Variants in KAT5 observed in about 807,000 individuals in gnomAD.
The protein encoded by KAT5 is histone acetyltransferase KAT5.
Under a neutral mutation model 68.1 loss-of-function variants are expected in KAT5, and 31 were observed. The ratio of observed to expected loss-of-function variants is 0.46; its 90% CI spans 0.34 to 0.61. The LOEUF (loss-of-function observed/expected upper bound fraction) is 0.61. KAT5 is among the 20% of genes least tolerant of loss of function. KAT5 has a pLI of 0.01. For synonymous variants in KAT5, 365 were observed against 292.6 expected, an observed-to-expected ratio of 1.25 and a Z score of -2.52; for missense variants, 451 against 725.5, an observed-to-expected ratio of 0.62 and a Z score of 4.35.
Position 65,719,218 on chromosome 11 carries a change from G to A in KAT5, c.*37G>A, listed in dbSNP as rs904202518. ...CCACTGCAGTGCCAAGACGGCAGCA[G>A]GACTGGGGCTGATAGCCCACCCCGC... On this transcript the variant is annotated 3_prime_UTR_variant, in exon 13 of 13. Transcript: ENST00000341318. The A allele has an allele frequency of 3.7e-6, 6 of 1,606,688 alleles. No individual in the cohort carries two copies. Among genetic ancestry groups the A allele is most frequent in the Admixed American group, 3.4e-5 (2 of 59,638 alleles).
rs974769609 is a variant in KAT5 at position 65,716,567 on chromosome 11, T to C, written c.1030-100T>C. On this transcript the variant is annotated intron_variant, in intron 8 of 12. Transcript: ENST00000341318. Reference sequence around the variant, plus strand: ...GAAGAACACTCATCACCTAGCAGCCTGGGGCATAGCACGAACAGTGAAGCT... The same window carrying C: ...GAAGAACACTCATCACCTAGCAGCCCGGGGCATAGCACGAACAGTGAAGCT... The C allele has an allele frequency of 1.1e-5, 13 of 1,161,046 alleles. No homozygotes were observed. In the African/African-American group the frequency reaches 2.0e-4, roughly 18 times the overall value. The allele number at this position is 1,161,046 out of a possible 1,614,324, so 71.9% of individuals were successfully genotyped here. A position where few individuals can be genotyped will look rare whatever the true frequency, so the allele number is the denominator to read the frequency against.
chr11:65,713,202 T>G, intron 3 of KAT5, 144 bp downstream of exon 3: 1 of 1,323,264 alleles, frequency 7.6e-7, no homozygotes, highest in African/African-American at 1.5e-5. Context: ...ATTGCACATG[T>G]AGCTCCCAGA....
rs765793140 is a variant in KAT5 at position 65,716,885 on chromosome 11, C to T, written c.1171-4C>T. On this transcript the variant is annotated splice_polypyrimidine_tract_variant and splice_region_variant and intron_variant, in intron 9 of 12. Transcript: ENST00000341318. ...CCTGACACTCACCTGTCCCCCTTCT[C>T]CAGGAGAAAGAATCAACGGAAGACT... 1.2e-6 allele frequency: 2 copies of T among 1,613,884 alleles called. No homozygotes were observed. Among genetic ancestry groups the T allele is most frequent in the East Asian group, 2.2e-5 (1 of 44,896 alleles).
rs564250796 is a variant in KAT5 at position 65,719,255 on chromosome 11, C to T, written c.*74C>T. 10 of 1,544,828 alleles carry T rather than the reference C, an allele frequency of 6.5e-6. No individual in the cohort carries two copies. Among genetic ancestry groups the T allele is most frequent in the Non-Finnish European group, 7.9e-6 (9 of 1,134,834 alleles). ...ATAGCCCACCCCGCCCCCACTGCAG[C>T]TCCCACAAAGCACTCTAAGGGAGAT... is the stretch of plus-strand genomic sequence containing the variant. On this transcript the variant is annotated 3_prime_UTR_variant, in exon 13 of 13. Transcript: ENST00000341318.
intron 8 of KAT5, chr11:65,716,006 A>G (rs1233911441): frequency 6.9e-6 from 1 of 145,592 alleles, no homozygotes; most frequent in Non-Finnish European, 1.5e-5. Context: ...CCTGGGTGAC[A>G]GGAGTGAGAC....
At chr11:65,712,200 C>A (rs1435862223), upstream of KAT5, 4 of 1,373,468 alleles carry the variant, frequency 2.9e-6, no homozygotes, top group Non-Finnish European at 2.8e-6. Flanking sequence ...GGCCCGGGCC[C>A]ACAGGGCGCT....
chr11:65,714,016 C>T (rs1426791609), intron 6 of KAT5, 168 bp downstream of exon 6: 17 of 660,730 alleles, frequency 2.6e-5, no homozygotes, highest in South Asian at 1.1e-4. Flanking sequence ...TCATTGGGGC[C>T]GGGCACCATG....
chr11:65,719,329 A>C lies in KAT5; in HGVS notation c.*148A>C. On this transcript the variant is annotated 3_prime_UTR_variant, in exon 13 of 13. Transcript: ENST00000341318. ...GAGAGGACAGGCCTGGCAGGGGCCC[A>C]CTGGTGCCCAGCACCAAGGCGAGCT... 1 of 992,460 alleles carries C rather than the reference A, an allele frequency of 1.0e-6. No homozygotes were observed. Among genetic ancestry groups the C allele is most frequent in the South Asian group, 1.7e-5 (1 of 59,440 alleles). 61.5% of individuals were successfully genotyped at this position (992,460 alleles called of 1,614,324 possible).
chr11:65,716,022 G>GT (rs1336431333), intron 8 of KAT5: 1 of 95,284 alleles, frequency 1.0e-5, no homozygotes. Flanking sequence ...GAGACCCTGT[G>GT]TCAAAAAAAA....
intron 11 of KAT5, 53 bp from the exon 12 acceptor site, chr11:65,718,820 C>A: frequency 1.2e-6 from 2 of 1,612,678 alleles, no homozygotes; most frequent in Non-Finnish European, 8.5e-7. Flanking sequence ...TCTCTCAGGG[C>A]TCCTGGGGAC....
rs2135631031 is a variant in KAT5, at chr11:65,715,123, G to A, written c.1029+213G>A. 6.9e-6 allele frequency: 4 copies of A among 579,072 alleles called. No homozygotes were observed. The East Asian group carries it at 1.2e-4, about 17-fold the overall frequency. The allele number at this position is 579,072 out of a possible 1,614,324, so 35.9% of individuals were successfully genotyped here. ...GAGACAGTCATACCAATGACCTCTA[G>A]CTCCCAGTGTCCTAAGTGTCATGAA... is the stretch of plus-strand genomic sequence containing the variant. On this transcript the variant is annotated intron_variant, in intron 8 of 12. Coordinates refer to ENST00000341318, the MANE Select transcript of KAT5 (RefSeq NM_182710.3).
chr11:65,713,119 A>T, intron 3 of KAT5, 61 bp downstream of exon 3: 1 of 1,601,258 alleles, frequency 6.2e-7, no homozygotes. Flanking sequence ...GTCTGTTGGC[A>T]TTAGGAGCTC....
intron 8 of KAT5, chr11:65,715,354 C>G (rs1055726986): frequency 4.2e-6 from 1 of 235,372 alleles, no homozygotes; most frequent in Non-Finnish European, 8.6e-6. Flanking sequence ...TGAGGGAAGG[C>G]TCGTACATGG....
At position 65,718,720 on chromosome 11, in the gene KAT5, G is replaced by C. The variant is rs1438635331; in HGVS notation, c.1395G>C (p.Glu465Asp). The C allele has an allele frequency of 6.2e-7, 1 of 1,614,078 alleles. No individual in the cohort carries two copies. Among genetic ancestry groups the C allele is most frequent in the Non-Finnish European group, 8.5e-7 (1 of 1,180,046 alleles). ...AGATCCTGATGGGGCTGAAGTCGGA[G>C]AGCGGGGAGAGGCCACAGATCACCA... The part of the protein sequence containing the change: ...ILEILMGLKS[E>D]SGERPQITIN... The change falls in exon 11 of 13, where the codon GAG becomes GAC. Residue 465 changes from glutamate (E) to aspartate (D), a missense_variant. By Grantham distance (45) the Glu-to-Asp change is conservative (BLOSUM62 2). This residue lies in a region of KAT5 where 210 missense variants were observed against 423.7 expected (regional missense o/e 0.50). Coordinates refer to ENST00000341318, the MANE Select transcript of KAT5 (RefSeq NM_182710.3).
chr11:65,716,783 C>T lies in KAT5; in HGVS notation c.1146C>T (p.Phe382=), dbSNP rs1205664676. The change falls in exon 9 of 13, where the codon TTC becomes TTT. Residue 382 remains phenylalanine (F), a synonymous_variant. Transcript: ENST00000341318. The part of the protein sequence containing the change: ...YVMTEYDCKG[F]HIVGYFSKEK... The stretch of plus-strand genomic sequence containing the variant: ...TGACAGAGTATGACTGTAAGGGCTT[C>T]CACATCGTGGGCTACTTCTCCAAGG... 6.2e-7 allele frequency: 1 copy of T among 1,614,174 alleles called. No individual in the cohort carries two copies. The highest frequency in any genetic ancestry group is 1.1e-5 in the South Asian group (1 of 91,084).
Position 65,719,221 on chromosome 11 carries a change from C to T in KAT5, c.*40C>T, listed in dbSNP as rs773038059. ...CTGCAGTGCCAAGACGGCAGCAGGA[C>T]TGGGGCTGATAGCCCACCCCGCCCC... On this transcript the variant is annotated 3_prime_UTR_variant, in exon 13 of 13. Coordinates refer to ENST00000341318, the MANE Select transcript of KAT5 (RefSeq NM_182710.3). 2 of 1,605,450 alleles carry T rather than the reference C, an allele frequency of 1.2e-6. No individual in the cohort carries two copies. The highest frequency in any genetic ancestry group is 2.2e-5 in the South Asian group (2 of 90,212).
rs1857070881 is a variant in KAT5, at chr11:65,712,903, G to A, written c.248-19G>A. 1 of 1,614,028 alleles carries A rather than the reference G, an allele frequency of 6.2e-7. No homozygotes were observed. Among genetic ancestry groups the A allele is most frequent in the Admixed American group, 1.7e-5 (1 of 60,004 alleles). On this transcript the variant is annotated intron_variant, in intron 2 of 12. Coordinates refer to ENST00000341318, the MANE Select transcript of KAT5 (RefSeq NM_182710.3). ...GACAGTCTTTGGCATTCTGTCCTGA[G>A]CCATCCCCACTGCTACAGTCAACAA...
At chr11:65,714,993 CCAG>C (rs1857147702) in intron 8 of KAT5, 83 bp downstream of exon 8, 1 of 1,218,622 alleles carries the variant, frequency 8.2e-7, no homozygotes, top group Non-Finnish European at 1.2e-6. Context: ...ACCAGTCAAG[CCAG>C]CAGATCAGTC....
chr11:65,713,160 C>G, intron 3 of KAT5, 102 bp downstream of exon 3: 1 of 1,478,876 alleles, frequency 6.8e-7, no homozygotes, highest in East Asian at 2.3e-5. Flanking sequence ...TCCCTCTCAC[C>G]CTGACTTCAT....
Sources: gnomAD v4.1 joint callset for allele counts on GRCh38, gnomAD v4.1.1 for gene constraint, gnomAD v4.1.1 regional missense constraint, MANE v1.5 for transcripts, NCBI Gene and HGNC (gene_info 2026-07-23, HGNC 2026-07-21) for gene names.